The following BBS9 variants were observed in gnomAD, a reference collection of about 807,000 sequenced individuals.
BBS9 encodes the protein protein PTHB1.
A neutral mutation model predicts 117.7 loss-of-function variants in BBS9; 89 were observed. That is an observed-to-expected ratio of 0.76 (90% CI 0.64 to 0.90). The LOEUF (loss-of-function observed/expected upper bound fraction) is 0.90. Ranked by LOEUF, BBS9 falls within the 40% of genes least tolerant of loss-of-function variation. The probability of loss-of-function intolerance (pLI) is 0.00; values close to 1 mark genes in which losing one functional copy is unlikely to be tolerated. For synonymous variants in BBS9, 379 were observed against 370.9 expected, an observed-to-expected ratio of 1.02 and a Z score of -0.25; for missense variants, 982 against 1,042.2, an observed-to-expected ratio of 0.94 and a Z score of 0.80.
intron 12 of BBS9, among the ~76,000 whole-genome samples, chr7:33,345,506 G>A (rs1817430545): frequency 6.6e-6 from 1 of 152,250 alleles, no homozygotes; most frequent in Admixed American, 6.5e-5. Context: ...TGGAACCAGC[G>A]GGTGGCCCAA....
intron 21 of BBS9, among the ~76,000 whole-genome samples, chr7:33,626,919 A>G (rs1865664972): frequency 6.6e-6 from 1 of 152,260 alleles, no homozygotes. Flanking sequence ...CAGCCTGACC[A>G]TGTGGTAGAA....
intron 5 of BBS9, among the ~76,000 whole-genome samples, chr7:33,184,510 G>C (rs1798545883): frequency 6.6e-6 from 1 of 152,168 alleles, no homozygotes; most frequent in African/African-American, 2.4e-5. Flanking sequence ...ACCTTCCTAA[G>C]TTGGGTCTCG....
intron 21 of BBS9, among the ~76,000 whole-genome samples, chr7:33,573,470 A>G (rs1858188675): frequency 6.6e-6 from 1 of 152,108 alleles, no homozygotes; most frequent in South Asian, 2.1e-4. Flanking sequence ...ATCAGGTTCT[A>G]CCAGTTCATA....
intron 21 of BBS9, among the ~76,000 whole-genome samples, chr7:33,628,709 A>G (rs763461733): frequency 2.6e-5 from 4 of 152,234 alleles, no homozygotes; most frequent in Non-Finnish European, 5.9e-5. Context: ...CAGGTAGTGC[A>G]CAGAAATTGG....
intron 19 of BBS9, among the ~76,000 whole-genome samples, chr7:33,455,792 G>A (rs921795643): frequency 1.3e-5 from 2 of 152,156 alleles, no homozygotes; most frequent in Admixed American, 6.6e-5. Context: ...AGAAAAATCT[G>A]GGTTGGCCTT....
chr7:33,208,977 T>G (rs1397938164), intron 5 of BBS9, among the ~76,000 whole-genome samples: 1 of 152,234 alleles, frequency 6.6e-6, no homozygotes, highest in Non-Finnish European at 1.5e-5. Flanking sequence ...TTTTAGTTAT[T>G]TAAAAATGTA....
At chr7:33,511,620 C>T (rs1225666198) in intron 20 of BBS9, among the ~76,000 whole-genome samples, 4 of 152,090 alleles carry the variant, frequency 2.6e-5, no homozygotes, top group African/African-American at 7.2e-5. Context: ...TTAAAAATCC[C>T]CTGGGAAAGT....
chr7:33,456,196 T>C (rs1424398060), intron 19 of BBS9, among the ~76,000 whole-genome samples: 1 of 152,192 alleles, frequency 6.6e-6, no homozygotes, highest in East Asian at 1.9e-4. Flanking sequence ...GATTTGGGAA[T>C]AATGTACATT....
intron 4 of BBS9, among the ~76,000 whole-genome samples, chr7:33,170,124 C>T (rs1207401251): frequency 6.6e-6 from 1 of 151,604 alleles, no homozygotes; most frequent in African/African-American, 2.4e-5. Flanking sequence ...CATTCTGATA[C>T]CAAAGCCTGG....
intron 5 of BBS9, among the ~76,000 whole-genome samples, chr7:33,203,124 C>G (rs2128213876): frequency 6.6e-6 from 1 of 152,248 alleles, no homozygotes; most frequent in East Asian, 1.9e-4. Context: ...AAGTCCTCAG[C>G]TGCTTGGTAG....
At chr7:33,341,369 G>C (rs1425028425) in intron 11 of BBS9, among the ~76,000 whole-genome samples, 1 of 152,028 alleles carries the variant, frequency 6.6e-6, no homozygotes, top group Non-Finnish European at 1.5e-5. Context: ...TTTGTGAGTG[G>C]CCTAGCTCAA....
At position 33,605,285 on chromosome 7, in the gene BBS9, A is replaced by G; in HGVS notation, c.*59A>G. The G allele has an allele frequency of 1.3e-6, 2 of 1,538,192 alleles. No homozygotes were observed. Among genetic ancestry groups the G allele is most frequent in the South Asian group, 2.2e-5 (2 of 89,534 alleles). On this transcript the variant is annotated 3_prime_UTR_variant, in exon 23 of 23. Transcript: ENST00000242067. ...CCCATCTCAAGGCCGAACCTGTGTG[A>G]ACCTCATGCCAAGCACAGATATAGG...
Position 33,342,689 on chromosome 7 carries a change from A to G in BBS9, c.1275+1716A>G, listed in dbSNP as rs142955236. On this transcript the variant is annotated intron_variant, in intron 11 of 22. Coordinates refer to ENST00000242067, the MANE Select transcript of BBS9 (RefSeq NM_198428.3). ...TTGGAAAACATTAGCCCTACAATTT[A>G]TGTGGCTTTGGTGCCATGACGTCTT... Among the ~76,000 whole-genome samples the G allele has an allele frequency of 2.8e-3, 425 of 152,200 alleles. 2 individuals carry two copies. The highest frequency in any genetic ancestry group is 9.3e-3 in the African/African-American group (388 of 41,534).
At chr7:33,325,322 G>A (rs1812610028) in intron 9 of BBS9, among the ~76,000 whole-genome samples, 1 of 152,064 alleles carries the variant, frequency 6.6e-6, no homozygotes, top group Non-Finnish European at 1.5e-5. Flanking sequence ...ATTTCTGCTT[G>A]ATTCTTTTAA....
At chr7:33,533,123 C>T (rs1358053155) in intron 20 of BBS9, among the ~76,000 whole-genome samples, 3 of 152,138 alleles carry the variant, frequency 2.0e-5, no homozygotes, top group Non-Finnish European at 4.4e-5. Context: ...TGCTCTTTAC[C>T]TCATACTCCT....
intron 19 of BBS9, among the ~76,000 whole-genome samples, chr7:33,453,145 G>A (rs912877732): frequency 1.3e-5 from 2 of 152,152 alleles, no homozygotes; most frequent in African/African-American, 4.8e-5. Context: ...CTTAACTATG[G>A]TTATGGGTTA....
At chr7:33,508,986 G>A (rs749014988) in intron 20 of BBS9, among the ~76,000 whole-genome samples, 2 of 152,176 alleles carry the variant, frequency 1.3e-5, no homozygotes, top group African/African-American at 4.8e-5. Context: ...TACCCTGCCT[G>A]TACATTCTCT....
At chr7:33,406,261 A>T (rs1829965966) in intron 19 of BBS9, among the ~76,000 whole-genome samples, 1 of 152,100 alleles carries the variant, frequency 6.6e-6, no homozygotes, top group Admixed American at 6.5e-5. Flanking sequence ...TTTACTTCCA[A>T]GTATGTGGTC....
chr7:33,202,590 G>A (rs1786077759), intron 5 of BBS9, among the ~76,000 whole-genome samples: 1 of 152,166 alleles, frequency 6.6e-6, no homozygotes, highest in South Asian at 2.1e-4. Flanking sequence ...CATAGTTGAG[G>A]GTGAAGGGGA....
Sources: gnomAD v4.1 joint callset for allele counts (sites outside exome capture counted in the v4.1 genomes callset) on GRCh38, gnomAD v4.1.1 for gene constraint, MANE v1.5 for transcripts, NCBI Gene and HGNC (gene_info 2026-07-23, HGNC 2026-07-21) for gene names.